Variants in PDGFC observed in about 807,000 individuals in gnomAD.
The protein encoded by PDGFC is platelet derived growth factor C.
Under a neutral mutation model 35.5 loss-of-function variants are expected in PDGFC, and 12 were observed. That is an observed-to-expected ratio of 0.34 (90% CI 0.22 to 0.55). PDGFC has a LOEUF of 0.55. Ranked by LOEUF, PDGFC falls within the 20% of genes least tolerant of loss-of-function variation. The pLI is 0.91. For missense variants in PDGFC, 322 were observed against 412.4 expected (o/e 0.78, Z 1.90); for synonymous variants, 159 against 148.8 (o/e 1.07, Z -0.50).
intron 3 of PDGFC, among the ~76,000 whole-genome samples, chr4:156,806,939 G>T (rs1731785413): frequency 6.6e-6 from 1 of 151,624 alleles, no homozygotes; most frequent in African/African-American, 2.4e-5. Context: ...CCTCCAAACA[G>T]AAACAAGCTT....
At position 156,903,466 on chromosome 4, in the gene PDGFC, G is replaced by A. The variant is rs1262862081; in HGVS notation, c.119-53050C>T. Among the ~76,000 whole-genome samples, 3 of 152,048 alleles carry A rather than the reference G, an allele frequency of 2.0e-5. No individual in the cohort carries two copies. The East Asian group carries it at 5.8e-4, about 29-fold the overall frequency. ...AAAATTAAGTGCTTCTCCCCATCTA[G>A]ACATATTACAAATATTACACAGTAA... On this transcript the variant is annotated intron_variant, in intron 1 of 5. Transcript: ENST00000502773.
chr4:156,868,044 G>A (rs932983245), intron 1 of PDGFC, among the ~76,000 whole-genome samples: 24 of 151,962 alleles, frequency 1.6e-4, no homozygotes, highest in South Asian at 1.2e-3. Flanking sequence ...CACCCAGCTG[G>A]CCTCAAGTGA....
chr4:156,940,859 C>G (rs985098124), intron 1 of PDGFC, among the ~76,000 whole-genome samples: 2 of 152,038 alleles, frequency 1.3e-5, no homozygotes, highest in Non-Finnish European at 2.9e-5. Context: ...AATTTCAAAA[C>G]TATAAAATAA....
intron 2 of PDGFC, among the ~76,000 whole-genome samples, chr4:156,835,362 T>C (rs1418100051): frequency 1.3e-5 from 2 of 152,154 alleles, no homozygotes; most frequent in Admixed American, 1.3e-4. Flanking sequence ...AAGCTGAAAA[T>C]GAATTTTAAT....
intron 1 of PDGFC, among the ~76,000 whole-genome samples, chr4:156,917,402 T>C (rs1731178045): frequency 6.6e-6 from 1 of 152,246 alleles, no homozygotes; most frequent in Non-Finnish European, 1.5e-5. Flanking sequence ...ATGGGCTTTA[T>C]CCAGCTACCA....
At chr4:156,938,083 A>T (rs995746873) in intron 1 of PDGFC, among the ~76,000 whole-genome samples, 2 of 152,156 alleles carry the variant, frequency 1.3e-5, no homozygotes, top group African/African-American at 4.8e-5. Flanking sequence ...TTACATACAG[A>T]TTTCTTACGA....
intron 3 of PDGFC, among the ~76,000 whole-genome samples, chr4:156,790,644 A>T (rs1731273575): frequency 6.6e-6 from 1 of 152,248 alleles, no homozygotes; most frequent in Non-Finnish European, 1.5e-5. Flanking sequence ...TGCAAATTCT[A>T]TCCATCCCAA....
At chr4:156,764,411 A>G (rs764435775) in intron 5 of PDGFC, among the ~76,000 whole-genome samples, 30 of 152,180 alleles carry the variant, frequency 2.0e-4, no homozygotes, top group Non-Finnish European at 3.5e-4. Context: ...GTAATTTACA[A>G]TTATTACCCC....
Position 156,928,427 on chromosome 4 carries a change from C to T in PDGFC, c.118+42359G>A, listed in dbSNP as rs115442441. ...TCACGCATTGCACTTAGATCTGTAACCGTGGGATTACTAGCTACTGCATCA... is the reference window on the plus strand; with the variant it reads ...TCACGCATTGCACTTAGATCTGTAATCGTGGGATTACTAGCTACTGCATCA... On this transcript the variant is annotated intron_variant, in intron 1 of 5. Coordinates refer to ENST00000502773, the MANE Select transcript of PDGFC (RefSeq NM_016205.3). Among the ~76,000 whole-genome samples, 1,076 of 152,154 alleles carry T rather than the reference C, an allele frequency of 7.1e-3. 5 individuals are homozygous for T. The highest frequency in any genetic ancestry group is 9.9e-3 in the Non-Finnish European group (674 of 68,010).
chr4:156,833,170 G>A (rs1728985474), intron 2 of PDGFC, among the ~76,000 whole-genome samples: 1 of 152,168 alleles, frequency 6.6e-6, no homozygotes, highest in Non-Finnish European at 1.5e-5. Context: ...TTGCAAATAT[G>A]TTTTATTCTT....
intron 2 of PDGFC, among the ~76,000 whole-genome samples, chr4:156,817,600 A>G (rs912557275): frequency 2.0e-5 from 3 of 152,192 alleles, no homozygotes; most frequent in South Asian, 2.1e-4. Flanking sequence ...TAGCTTGGGC[A>G]ACATGGAAAG....
At chr4:156,866,544 CGTGT>C (rs916196176) in intron 1 of PDGFC, among the ~76,000 whole-genome samples, 3 of 151,152 alleles carry the variant, frequency 2.0e-5, no homozygotes, top group African/African-American at 7.3e-5. Flanking sequence ...TGGGTGTGTG[CGTGT>C]GTGTGTGTGT....
chr4:156,819,152 C>T (rs1234028419), intron 2 of PDGFC, among the ~76,000 whole-genome samples: 1 of 152,130 alleles, frequency 6.6e-6, no homozygotes, highest in East Asian at 1.9e-4. Context: ...ATTTTCATAA[C>T]ATAAAAGTGC....
At chr4:156,892,596 G>T (rs1255617121) in intron 1 of PDGFC, among the ~76,000 whole-genome samples, 1 of 151,920 alleles carries the variant, frequency 6.6e-6, no homozygotes, top group Non-Finnish European at 1.5e-5. Context: ...AATCCCAAAG[G>T]ATTATTATGG....
chr4:156,929,884 T>C (rs1234777432), intron 1 of PDGFC, among the ~76,000 whole-genome samples: 1 of 152,158 alleles, frequency 6.6e-6, no homozygotes, highest in East Asian at 1.9e-4. Context: ...ACTTGTAGTG[T>C]CCTGAGAAGT....
intron 3 of PDGFC, among the ~76,000 whole-genome samples, chr4:156,773,313 A>G (rs1730737545): frequency 6.6e-6 from 1 of 152,234 alleles, no homozygotes; most frequent in South Asian, 2.1e-4. Context: ...ATGGAATAAG[A>G]AATAATTAAC....
intron 1 of PDGFC, among the ~76,000 whole-genome samples, chr4:156,880,901 T>A (rs1277890259): frequency 6.6e-6 from 1 of 152,214 alleles, no homozygotes. Flanking sequence ...GGAGATGGAA[T>A]CTGCTCCTGA....
In PDGFC at chr4:156,769,205, G is replaced by A. The variant is rs1056396039; in HGVS notation, c.704-1215C>T. On this transcript the variant is annotated intron_variant, in intron 4 of 5. Coordinates refer to ENST00000502773, the MANE Select transcript of PDGFC (RefSeq NM_016205.3). The stretch of plus-strand genomic sequence containing the variant: ...TAACACAGACATGAATGAAAAAAAA[G>A]AAAGCTATTTTCTGGTTAAAGATGG... 4.0e-5 allele frequency among the ~76,000 whole-genome samples: 6 copies of A among 151,374 alleles called. No individual in the cohort carries two copies. In the East Asian group the frequency reaches 1.2e-3, roughly 29 times the overall value.
intron 2 of PDGFC, among the ~76,000 whole-genome samples, chr4:156,824,323 TATATACAC>T (rs1262959031): frequency 1.0e-5 from 1 of 95,786 alleles, no homozygotes; most frequent in African/African-American, 5.1e-5. Flanking sequence ...TATATATATA[TATATACAC>T]ACACACACAC....
Sources: gnomAD v4.1 joint callset for allele counts (sites outside exome capture counted in the v4.1 genomes callset) on GRCh38, gnomAD v4.1.1 for gene constraint, MANE v1.5 for transcripts, NCBI Gene and HGNC (gene_info 2026-07-23, HGNC 2026-07-21) for gene names.